SUGT1: variants seen among roughly 807,000 people sequenced by gnomAD.
SUGT1 encodes the protein SGT1 assembly cochaperone of MIS12 kinetochore complex.
A neutral mutation model predicts 56.1 loss-of-function variants in SUGT1; 15 were observed. That is an observed-to-expected ratio of 0.27 (90% CI 0.18 to 0.41). The LOEUF (loss-of-function observed/expected upper bound fraction) is 0.41. Ranked by LOEUF, SUGT1 falls within the 10% of genes least tolerant of loss-of-function variation. The pLI is 1.00. For synonymous variants in SUGT1, 123 were observed against 128.6 expected, an observed-to-expected ratio of 0.96 and a Z score of 0.30; for missense variants, 347 against 382.2, an observed-to-expected ratio of 0.91 and a Z score of 0.77.
chr13:52,660,063 T>C (rs1304082858), intron 5 of SUGT1, among the ~76,000 whole-genome samples: 1 of 151,536 alleles, frequency 6.6e-6, no homozygotes, highest in African/African-American at 2.4e-5. Flanking sequence ...TCTCCTGACC[T>C]TGTGATCCAC....
chr13:52,675,775 T>G (rs943184064), intron 10 of SUGT1, among the ~76,000 whole-genome samples: 1 of 152,236 alleles, frequency 6.6e-6, no homozygotes, highest in Non-Finnish European at 1.5e-5. Context: ...ATCAGATTTC[T>G]CTGTAATGGC....
At position 52,695,363 on chromosome 13, in the gene SUGT1, CTT is replaced by C. The variant is rs1963900233; in HGVS notation, c.*7529_*7530del. 3 of 152,040 alleles carry C rather than the reference CTT, an allele frequency of 2.0e-5. No homozygotes were observed. In the South Asian group the frequency reaches 6.2e-4, roughly 32 times the overall value. 9.4% of individuals were successfully genotyped at this position (152,040 alleles called of 1,614,324 possible). On this transcript the variant is annotated 3_prime_UTR_variant, in exon 13 of 13. Coordinates refer to ENST00000310528, the MANE Select transcript of SUGT1 (RefSeq NM_006704.5). ...TGTTTTGTAATGGAAGGAGTAGTAA[CTT>C]ATGAATCTAGACTCTTAAAATCCCA...
chr13:52,657,907 G>A (rs1962243775), intron 3 of SUGT1, among the ~76,000 whole-genome samples: 1 of 152,124 alleles, frequency 6.6e-6, no homozygotes, highest in Non-Finnish European at 1.5e-5. Context: ...AAAATGAAAT[G>A]CTCGTTTAAA....
rs190139796 is a variant in SUGT1 at position 52,666,761 on chromosome 13, C to T, written c.520-51C>T. 395 of 1,176,540 alleles carry T rather than the reference C, an allele frequency of 3.4e-4. 1 individual carries two copies. In the African/African-American group the frequency reaches 4.8e-3, roughly 14 times the overall value. The allele number at this position is 1,176,540 out of a possible 1,614,324, so 72.9% of individuals were successfully genotyped here. On this transcript the variant is annotated intron_variant, in intron 9 of 12. Coordinates refer to ENST00000310528, the MANE Select transcript of SUGT1 (RefSeq NM_006704.5). ...GTCATTATTTTGTGTAGGTTTTTTA[C>T]CCTCCATTATATACATTTACAAAAT...
At chr13:52,672,173 A>T (rs1962972882) in intron 10 of SUGT1, among the ~76,000 whole-genome samples, 1 of 152,162 alleles carries the variant, frequency 6.6e-6, no homozygotes, top group Non-Finnish European at 1.5e-5. Context: ...GGAGTTTAGG[A>T]AGTAATCACT....
At chr13:52,677,361 G>A (rs1471631882) in intron 11 of SUGT1, among the ~76,000 whole-genome samples, 1 of 152,028 alleles carries the variant, frequency 6.6e-6, no homozygotes, top group Admixed American at 6.6e-5. Flanking sequence ...CAAAATCAGG[G>A]TATTAACACC....
At chr13:52,653,209 C>T in intron 2 of SUGT1, 106 bp downstream of exon 2, 1 of 1,371,334 alleles carries the variant, frequency 7.3e-7, no homozygotes. Flanking sequence ...GGGACCCAGG[C>T]TCTTGTTGAT....
At chr13:52,657,688 A>G in intron 3 of SUGT1, 66 bp downstream of exon 3, 1 of 1,434,476 alleles carries the variant, frequency 7.0e-7, no homozygotes, top group South Asian at 1.3e-5. Context: ...ACCCATGACA[A>G]ATTAAAAGTT....
chr13:52,662,384 T>G (rs774511389), intron 5 of SUGT1, among the ~76,000 whole-genome samples: 1 of 152,222 alleles, frequency 6.6e-6, no homozygotes, highest in Admixed American at 6.5e-5. Flanking sequence ...AAATGCAGAT[T>G]ATTTGTATCT....
chr13:52,677,511 A>G (rs1963197072), intron 11 of SUGT1, among the ~76,000 whole-genome samples: 1 of 152,208 alleles, frequency 6.6e-6, no homozygotes, highest in Non-Finnish European at 1.5e-5. Context: ...GTTTATATGT[A>G]GCTGAAAGCT....
At chr13:52,654,326 A>G (rs1962058956) in intron 2 of SUGT1, among the ~76,000 whole-genome samples, 1 of 152,184 alleles carries the variant, frequency 6.6e-6, no homozygotes, top group African/African-American at 2.4e-5. Context: ...CTTTTAATTT[A>G]CATTTGTTAT....
chr13:52,667,254 T>A (rs1010442999), intron 10 of SUGT1, among the ~76,000 whole-genome samples: 2 of 152,202 alleles, frequency 1.3e-5, no homozygotes, highest in African/African-American at 4.8e-5. Flanking sequence ...AACTTGTCAG[T>A]TTTGTCTGTT....
chr13:52,680,979 C>T (rs1016934302), intron 12 of SUGT1, among the ~76,000 whole-genome samples: 6 of 152,062 alleles, frequency 3.9e-5, no homozygotes, highest in Non-Finnish European at 8.8e-5. Flanking sequence ...GTAGCTGGGA[C>T]TATAGACATG....
chr13:52,659,204 T>G lies in SUGT1; in HGVS notation c.283T>G (p.Tyr95Asp). Residue 95 changes from tyrosine (Y) to aspartate (D), a missense_variant, in exon 5 of 13, where the codon TAT (tyrosine) becomes GAT (aspartate). Coordinates refer to ENST00000310528, the MANE Select transcript of SUGT1 (RefSeq NM_006704.5). The part of the protein sequence containing the change: ...KGICEYHEKN[Y>D]AAALETFTEG... ...AATATGTGAATACCATGAAAAAAAC[T>G]ATGCTGCTGCCCTAGAAACTTTTAC... The G allele has an allele frequency of 1.3e-6, 2 of 1,485,456 alleles. No individual in the cohort carries two copies. Among genetic ancestry groups the G allele is most frequent in the Non-Finnish European group, 1.8e-6 (2 of 1,124,528 alleles). The allele number at this position is 1,485,456 out of a possible 1,614,324, so 92.0% of individuals were successfully genotyped here.
chr13:52,674,080 A>T (rs1241863960), intron 10 of SUGT1, among the ~76,000 whole-genome samples: 2 of 107,498 alleles, frequency 1.9e-5, no homozygotes, highest in Non-Finnish European at 3.7e-5. Context: ...TTTTTGACAG[A>T]GTCTCGCTCT....
At chr13:52,668,427 A>G (rs1157085426) in intron 10 of SUGT1, among the ~76,000 whole-genome samples, 1 of 152,244 alleles carries the variant, frequency 6.6e-6, no homozygotes, top group African/African-American at 2.4e-5. Flanking sequence ...GCCTGCAGAA[A>G]GGACACAGCT....
intron 10 of SUGT1, among the ~76,000 whole-genome samples, chr13:52,670,808 G>A (rs1051947999): frequency 1.3e-5 from 2 of 152,092 alleles, no homozygotes; most frequent in Non-Finnish European, 1.5e-5. Flanking sequence ...GTGAGACTCC[G>A]TCTCCAAAAG....
chr13:52,664,594 A>G (rs1197353023), intron 8 of SUGT1, among the ~76,000 whole-genome samples: 8 of 152,344 alleles, frequency 5.3e-5, no homozygotes, highest in Admixed American at 2.0e-4. Flanking sequence ...GGAGCTTTGC[A>G]TCCTTACTGA....
chr13:52,696,598 A>T lies in SUGT1; in HGVS notation c.*8763A>T, dbSNP rs759140254. The T allele has an allele frequency of 3.9e-5, 6 of 152,168 alleles. No individual in the cohort carries two copies. The highest frequency in any genetic ancestry group is 1.5e-5 in the Non-Finnish European group (1 of 68,016). The allele number at this position is 152,168 out of a possible 1,614,324, so 9.4% of individuals were successfully genotyped here. On this transcript the variant is annotated 3_prime_UTR_variant, in exon 13 of 13. Coordinates refer to ENST00000310528, the MANE Select transcript of SUGT1 (RefSeq NM_006704.5). ...TAAAAATGTCAAGCCCTTAAAGTTG[A>T]TCATTTATTTGTCAATGTAAATAGA...
Sources: gnomAD v4.1 joint callset for allele counts (sites outside exome capture counted in the v4.1 genomes callset) on GRCh38, gnomAD v4.1.1 for gene constraint, MANE v1.5 for transcripts, NCBI Gene and HGNC (gene_info 2026-07-23, HGNC 2026-07-21) for gene names.